The following ENPEP variants were observed in gnomAD, a reference collection of about 807,000 sequenced individuals.
ENPEP encodes AP-A.
ENPEP carries 103 observed loss-of-function variants against 114.5 expected under a neutral mutation model. The ratio of observed to expected loss-of-function variants is 0.90; its 90% CI spans 0.77 to 1.06. ENPEP has a LOEUF of 1.06. Ranked by LOEUF, ENPEP falls within the 50% of genes least tolerant of loss-of-function variation. The pLI is 0.00. For synonymous variants in ENPEP, 420 were observed against 422.0 expected, an observed-to-expected ratio of 1.00 and a Z score of 0.06; for missense variants, 1,196 against 1,161.3, an observed-to-expected ratio of 1.03 and a Z score of -0.43.
chr4:110,503,437 G>T (rs1051622369), intron 3 of ENPEP, among the ~76,000 whole-genome samples: 1 of 152,064 alleles, frequency 6.6e-6, no homozygotes, highest in African/African-American at 2.4e-5. Context: ...TTCCTGTACT[G>T]TTATATTGTA....
chr4:110,476,698 A>T lies in ENPEP; in HGVS notation c.284A>T (p.Asp95Val), dbSNP rs545769710. ...CAGTGGAAAAACTTTCGACTGCCGGACTTCGTCAACCCAGTCCACTACGAC... is the reference window on the plus strand; with the variant it reads ...CAGTGGAAAAACTTTCGACTGCCGGTCTTCGTCAACCCAGTCCACTACGAC... ...SGQWKNFRLP[D>V]FVNPVHYDLH... Residue 95 changes from aspartate to valine, a missense_variant, in exon 1 of 20, where the codon GAC (aspartate) becomes GTC (valine). By Grantham distance (152) the Asp-to-Val change is radical. Coordinates refer to ENST00000265162, the MANE Select transcript of ENPEP (RefSeq NM_001977.4). 1.2e-6 allele frequency: 2 copies of T among 1,613,834 alleles called. No homozygotes were observed. The highest frequency in any genetic ancestry group is 1.7e-6 in the Non-Finnish European group (2 of 1,180,024).
chr4:110,509,746 A>G lies in ENPEP; in HGVS notation c.1133A>G (p.Glu378Gly), dbSNP rs781707912. ...RETNLLYDPK[E>G]SASSNQQRVA... ...ACGAACCTGCTTTATGACCCTAAGG[A>G]ATCAGCCTCATCAAACCAACAGAGG... Residue 378 changes from glutamate (E) to glycine (G), a missense_variant, in exon 5 of 20, where the codon GAA becomes GGA. Coordinates refer to ENST00000265162, the MANE Select transcript of ENPEP (RefSeq NM_001977.4). The G allele has an allele frequency of 6.2e-7, 1 of 1,614,224 alleles. No homozygotes were observed. The highest frequency in any genetic ancestry group is 8.5e-7 in the Non-Finnish European group (1 of 1,180,030).
chr4:110,516,177 T>A (rs1402841853), intron 8 of ENPEP, among the ~76,000 whole-genome samples: 2 of 152,192 alleles, frequency 1.3e-5, no homozygotes, highest in Non-Finnish European at 2.9e-5. Context: ...TTAGTATGCT[T>A]ATTACAATGG....
chr4:110,511,514 A>G (rs554277713), intron 6 of ENPEP, among the ~76,000 whole-genome samples: 9 of 152,326 alleles, frequency 5.9e-5, no homozygotes, highest in African/African-American at 2.2e-4. Flanking sequence ...TTTATAATTT[A>G]TTGAAAATAA....
At chr4:110,559,145 A>G (rs28569122) in intron 18 of ENPEP, 2,109 of 153,636 alleles carry the variant, frequency 0.014, 60 homozygotes, top group African/African-American at 0.046. Context: ...AGGCCAGGCC[A>G]GTATCCTGTC....
chr4:110,510,636 T>C lies in ENPEP; in HGVS notation c.1308+278T>C, dbSNP rs548649844. Among the ~76,000 whole-genome samples, 14 of 148,368 alleles carry C rather than the reference T, an allele frequency of 9.4e-5. 1 individual carries two copies. The highest frequency in any genetic ancestry group is 7.0e-3 in the Middle Eastern group (2 of 286). The stretch of plus-strand genomic sequence containing the variant: ...AAAAAAAAAAAAAAAACAGGTGGCA[T>C]AGAAAATGTTAACTCTGTGTTCCAG... On this transcript the variant is annotated intron_variant, in intron 6 of 19. Coordinates refer to ENST00000265162, the MANE Select transcript of ENPEP (RefSeq NM_001977.4).
chr4:110,557,988 T>A (rs1727537382), intron 18 of ENPEP, among the ~76,000 whole-genome samples: 1 of 151,268 alleles, frequency 6.6e-6, no homozygotes, highest in African/African-American at 2.4e-5. Context: ...TTACAACGAT[T>A]TGTTCTCGAT....
intron 10 of ENPEP, among the ~76,000 whole-genome samples, chr4:110,527,529 GAA>G (rs1320357493): frequency 6.6e-6 from 1 of 152,066 alleles, no homozygotes; most frequent in Admixed American, 6.6e-5. Flanking sequence ...TGATGATGGA[GAA>G]AACATTTGTT....
chr4:110,533,559 C>G (rs1011461649), intron 11 of ENPEP: 3 of 152,180 alleles, frequency 2.0e-5, no homozygotes, highest in Non-Finnish European at 4.4e-5. Context: ...AGCATCAGCC[C>G]AGGTTTGGGG....
At chr4:110,560,851 G>T (rs1727653020) in intron 19 of ENPEP, among the ~76,000 whole-genome samples, 1 of 152,174 alleles carries the variant, frequency 6.6e-6, no homozygotes, top group Non-Finnish European at 1.5e-5. Context: ...TGAATGCTAA[G>T]AGTTTTCTGT....
intron 11 of ENPEP, among the ~76,000 whole-genome samples, chr4:110,536,138 TAAGG>T (rs1384769695): frequency 1.4e-5 from 2 of 145,916 alleles, no homozygotes; most frequent in Non-Finnish European, 3.0e-5. Flanking sequence ...AAAAAAGAAT[TAAGG>T]AAGAGTTAAG....
At chr4:110,492,047 T>C (rs1237282914) in intron 3 of ENPEP, among the ~76,000 whole-genome samples, 1 of 152,116 alleles carries the variant, frequency 6.6e-6, no homozygotes, top group Non-Finnish European at 1.5e-5. Flanking sequence ...AAGAACCACA[T>C]ACTTTTACCT....
Position 110,513,420 on chromosome 4 carries a change from C to T in ENPEP, c.1314C>T (p.Asp438=), listed in dbSNP as rs1725652325. 6.2e-7 allele frequency: 1 copy of T among 1,610,228 alleles called. No homozygotes were observed. The highest frequency in any genetic ancestry group is 8.5e-7 in the Non-Finnish European group (1 of 1,178,268). ...NHAETDWQMR[D]QMLLEDVLPV... is the part of the protein sequence containing the mutation. ...GGCTCATTCTTTCATTTCAGCGTGACCAAATGTTACTTGAAGATGTATTAC... is the reference window on the plus strand; with the variant it reads ...GGCTCATTCTTTCATTTCAGCGTGATCAAATGTTACTTGAAGATGTATTAC... Residue 438 remains aspartate, a synonymous_variant, in exon 7 of 20, where the codon GAC becomes GAT. Transcript: ENST00000265162.
rs1727682805 is a variant in ENPEP at position 110,561,597 on chromosome 4, G to T, written c.*39G>T. The T allele has an allele frequency of 1.3e-6, 2 of 1,589,772 alleles. No individual in the cohort carries two copies. The highest frequency in any genetic ancestry group is 1.1e-5 in the South Asian group (1 of 88,298). Reference sequence around the variant, plus strand: ...TAGAGTTTAATTTTGTGAATCTATTGTTTCTCCTCTGAAGCATTTGGTGGC... The same window carrying T: ...TAGAGTTTAATTTTGTGAATCTATTTTTTCTCCTCTGAAGCATTTGGTGGC... On this transcript the variant is annotated 3_prime_UTR_variant, in exon 20 of 20. Transcript: ENST00000265162.
intron 3 of ENPEP, among the ~76,000 whole-genome samples, chr4:110,505,191 C>T (rs1725328734): frequency 6.6e-6 from 1 of 152,140 alleles, no homozygotes; most frequent in African/African-American, 2.4e-5. Context: ...GCCTTAGTTT[C>T]ACTCAACTTC....
chr4:110,521,708 A>G (rs1306653319), intron 10 of ENPEP, among the ~76,000 whole-genome samples: 1 of 152,134 alleles, frequency 6.6e-6, no homozygotes, highest in Non-Finnish European at 1.5e-5. Context: ...TGAGAACACA[A>G]AAGAACCTGA....
chr4:110,551,264 C>T (rs535168500), intron 17 of ENPEP, among the ~76,000 whole-genome samples: 3 of 152,116 alleles, frequency 2.0e-5, no homozygotes, highest in East Asian at 3.9e-4. Context: ...CAGGATCCCA[C>T]GACTTTAGTG....
rs115397980 is a variant in ENPEP, at chr4:110,479,508, A to T, written c.644+2450A>T. ...TATATGTGTACATGCATATACATAT[A>T]TATGCATGAACATGTGTATGCATGT... On this transcript the variant is annotated intron_variant, in intron 1 of 19. Transcript: ENST00000265162. Among the ~76,000 whole-genome samples, 1,325 of 152,302 alleles carry T rather than the reference A, an allele frequency of 8.7e-3. 26 individuals are homozygous for T. Among genetic ancestry groups the T allele is most frequent in the African/African-American group, 0.03 (1,240 of 41,566 alleles).
At chr4:110,544,651 C>T (rs940143930) in intron 13 of ENPEP, among the ~76,000 whole-genome samples, 3 of 152,140 alleles carry the variant, frequency 2.0e-5, no homozygotes, top group Middle Eastern at 6.8e-3. Context: ...TTTAAATTGT[C>T]CTGTTCCAAA....
Sources: gnomAD v4.1 joint callset for allele counts (sites outside exome capture counted in the v4.1 genomes callset) on GRCh38, gnomAD v4.1.1 for gene constraint, MANE v1.5 for transcripts, NCBI Gene and HGNC (gene_info 2026-07-23, HGNC 2026-07-21) for gene names.